OPA1: variants seen among roughly 807,000 people sequenced by gnomAD.
OPA1 encodes OPA1 mitochondrial dynamin like GTPase.
OPA1 carries 59 observed loss-of-function variants against 152.9 expected under a neutral mutation model. That is an observed-to-expected ratio of 0.39 (90% CI 0.31 to 0.48). OPA1 has a LOEUF of 0.48. Among genes scored for constraint, OPA1 ranks in the 20% least tolerant of loss-of-function variants. The pLI is 0.96. For missense variants in OPA1, 1,008 were observed against 1,216.8 expected, an observed-to-expected ratio of 0.83 and a Z score of 2.55; for synonymous variants, 400 against 389.9, an observed-to-expected ratio of 1.03 and a Z score of -0.31.
At chr3:193,655,182 C>T (rs1713496821) in intron 22 of OPA1, 155 bp downstream of exon 22, 3 of 701,756 alleles carry the variant, frequency 4.3e-6, no homozygotes, top group Non-Finnish European at 7.0e-6. Context: ...TTGGGACTAA[C>T]CTTAATGTTG....
chr3:193,678,808 C>G (rs1323046797), intron 29 of OPA1, among the ~76,000 whole-genome samples: 2 of 152,096 alleles, frequency 1.3e-5, no homozygotes, highest in Non-Finnish European at 2.9e-5. Flanking sequence ...CATTATATCC[C>G]CTTTCTCTCT....
chr3:193,617,009 A>G (rs952777775), intron 3 of OPA1, among the ~76,000 whole-genome samples, 169 bp from the exon 4 acceptor site: 1 of 152,222 alleles, frequency 6.6e-6, no homozygotes, highest in African/African-American at 2.4e-5. Flanking sequence ...GGGCTCCTCC[A>G]CTTCCTTGCT....
chr3:193,608,891 A>G (rs560144216), intron 1 of OPA1, among the ~76,000 whole-genome samples: 6 of 152,000 alleles, frequency 3.9e-5, no homozygotes, highest in Non-Finnish European at 8.8e-5. Context: ...GTGCTCCTGT[A>G]TTGGTTGCAT....
intron 5 of OPA1, 189 bp from the exon 6 acceptor site, chr3:193,618,680 T>G (rs2108887851): frequency 4.1e-6 from 2 of 491,024 alleles, no homozygotes; most frequent in East Asian, 7.1e-5. Flanking sequence ...CTATAGTTAG[T>G]TTTTTTTTTA....
chr3:193,609,933 G>A (rs1025570492), intron 1 of OPA1, among the ~76,000 whole-genome samples: 5 of 151,472 alleles, frequency 3.3e-5, no homozygotes, highest in South Asian at 2.1e-4. Flanking sequence ...CTAGTTAGCC[G>A]TTCGTCGAAT....
At chr3:193,628,169 C>T (rs1483940478) in intron 7 of OPA1, among the ~76,000 whole-genome samples, 7 of 151,872 alleles carry the variant, frequency 4.6e-5, no homozygotes, top group African/African-American at 7.3e-5. Context: ...TGCATAAAAC[C>T]GCAAGTACTT....
rs1722187511 is a variant in OPA1 at position 193,695,634 on chromosome 3, TA to T, written c.*1037del. The T allele has an allele frequency of 6.6e-6, 1 of 152,210 alleles. No individual in the cohort carries two copies. Among genetic ancestry groups the T allele is most frequent in the African/African-American group, 2.4e-5 (1 of 41,462 alleles). 9.4% of individuals were successfully genotyped at this position (152,210 alleles called of 1,614,324 possible). A position where few individuals can be genotyped will look rare whatever the true frequency, so the allele number is the denominator to read the frequency against. ...TCACAACATTTTCATGTGTTTTAAA[TA>T]AATATTTTTTAATTGGCTAAAGGAC... is the stretch of plus-strand genomic sequence containing the variant. On this transcript the variant is annotated 3_prime_UTR_variant, in exon 31 of 31. Transcript: ENST00000361510.
intron 8 of OPA1, among the ~76,000 whole-genome samples, chr3:193,634,886 A>G (rs1732706352): frequency 6.6e-6 from 1 of 152,066 alleles, no homozygotes; most frequent in Non-Finnish European, 1.5e-5. Context: ...TTCCTGCTTT[A>G]TGGGGTTTTT....
At chr3:193,635,278 T>G (rs887827015) in intron 8 of OPA1, 140 bp from the exon 9 acceptor site, 10 of 577,626 alleles carry the variant, frequency 1.7e-5, no homozygotes, top group Admixed American at 3.0e-5. Context: ...ATTCCTAATG[T>G]TTTCGTAGAT....
In OPA1 at chr3:193,648,132, C is replaced by T. The variant is rs778998909; in HGVS notation, c.1933C>T (p.Arg645Trp). The T allele has an allele frequency of 1.3e-5, 21 of 1,606,832 alleles. No homozygotes were observed. Among genetic ancestry groups the T allele is most frequent in the East Asian group, 2.2e-5 (1 of 44,830 alleles). The change falls in exon 20 of 31, where the codon CGG becomes TGG. Residue 645 changes from arginine to tryptophan, a missense_variant and splice_region_variant. Physicochemically the swap from Arg to Trp is moderately radical, Grantham distance 101. Around this residue, in one of 7 missense-constraint regions of OPA1, gnomAD observed 229 missense variants for 269.0 expected, o/e 0.85. Transcript: ENST00000361510. ...CTATCCTCGCCTGCGGGAACTTGACCGGGTAATATTTGGATACTCGTGTAT... is the reference window on the plus strand; with the variant it reads ...CTATCCTCGCCTGCGGGAACTTGACTGGGTAATATTTGGATACTCGTGTAT... ...NNYPRLRELD[R>W]NELFEKAKNE...
intron 8 of OPA1, among the ~76,000 whole-genome samples, chr3:193,633,931 G>T (rs1267520919): frequency 6.6e-6 from 1 of 152,026 alleles, no homozygotes; most frequent in Non-Finnish European, 1.5e-5. Context: ...GTTTATAGTA[G>T]AGTCTAGCCA....
intron 1 of OPA1, among the ~76,000 whole-genome samples, chr3:193,600,929 A>T (rs1726361736): frequency 6.6e-6 from 1 of 152,094 alleles, no homozygotes; most frequent in Non-Finnish European, 1.5e-5. Flanking sequence ...CCACCTTTTA[A>T]ATTAAGCTTT....
chr3:193,633,715 ATGTGATCAG>A (rs2108992377), intron 8 of OPA1, among the ~76,000 whole-genome samples: 1 of 152,344 alleles, frequency 6.6e-6, no homozygotes, highest in Admixed American at 6.5e-5. Flanking sequence ...TCATTTCAAC[ATGTGATCAG>A]TATAAAAAAT....
Position 193,628,227 on chromosome 3 carries a change from A to G in OPA1, c.789+2025A>G, listed in dbSNP as rs574948183. ...TTCTCTCTTATCTTCTTGAAAGTCT[A>G]AGTAGATCATCATTTTTGATGTCTT... On this transcript the variant is annotated intron_variant, in intron 7 of 30. Coordinates refer to ENST00000361510, the MANE Select transcript of OPA1 (RefSeq NM_130837.3). 7.9e-5 allele frequency among the ~76,000 whole-genome samples: 12 copies of G among 152,096 alleles called. 1 individual carries two copies. In the South Asian group the frequency reaches 2.5e-3, roughly 32 times the overall value.
intron 1 of OPA1, among the ~76,000 whole-genome samples, chr3:193,594,150 C>G (rs1043699494): frequency 6.6e-6 from 1 of 152,134 alleles, no homozygotes; most frequent in Non-Finnish European, 1.5e-5. Flanking sequence ...TTACTATATG[C>G]ATTGTAATGA....
intron 7 of OPA1, 27 bp from the exon 8 acceptor site, chr3:193,631,585 T>C: frequency 1.3e-6 from 2 of 1,559,188 alleles, no homozygotes; most frequent in Non-Finnish European, 1.8e-6. Flanking sequence ...CTAATTCTAT[T>C]CAACTAAAAT....
At chr3:193,630,165 TG>T (rs1323150089) in intron 7 of OPA1, among the ~76,000 whole-genome samples, 1 of 152,216 alleles carries the variant, frequency 6.6e-6, no homozygotes, top group Non-Finnish European at 1.5e-5. Flanking sequence ...CCAACTTGCT[TG>T]TCTCCTCACA....
rs982932553 is a variant in OPA1, at chr3:193,658,873, C to G, written c.2332-14C>G. 6.3e-7 allele frequency: 1 copy of G among 1,596,204 alleles called. No homozygotes were observed. Among genetic ancestry groups the G allele is most frequent in the African/African-American group, 1.3e-5 (1 of 74,478 alleles). The stretch of plus-strand genomic sequence containing the variant: ...GTAAAACAAGTTGGCTTTTTCTCTT[C>G]TTGTTATTTTCAGAGGGTTATTCAA... On this transcript the variant is annotated splice_polypyrimidine_tract_variant and intron_variant, in intron 23 of 30. Transcript: ENST00000361510.
chr3:193,635,878 T>C (rs907251483), intron 9 of OPA1, among the ~76,000 whole-genome samples: 2 of 152,234 alleles, frequency 1.3e-5, no homozygotes, highest in Non-Finnish European at 2.9e-5. Context: ...ATCATTGCTT[T>C]ACTTGTATGC....
Sources: allele counts gnomAD v4.1 joint callset (sites outside exome capture counted in the v4.1 genomes callset), GRCh38; gene constraint gnomAD v4.1.1; regional missense constraint gnomAD v4.1.1; transcripts MANE v1.5; gene names NCBI Gene and HGNC (gene_info 2026-07-23, HGNC 2026-07-21).